SH3KBP1: variants seen among roughly 807,000 people sequenced by gnomAD.
SH3KBP1 encodes SH3 domain containing kinase binding protein 1.
SH3KBP1 carries 8 observed loss-of-function variants against 50.1 expected under a neutral mutation model. The observed-to-expected ratio is 0.16, with a 90% CI of 0.09 to 0.29. SH3KBP1 has a LOEUF of 0.29. SH3KBP1 is among the 10% of genes least tolerant of loss of function. The pLI, the probability that SH3KBP1 is intolerant of heterozygous loss-of-function variation, is 1.00. For missense variants in SH3KBP1, 377 were observed against 535.2 expected (o/e 0.70, Z 2.92); for synonymous variants, 227 against 218.6 (o/e 1.04, Z -0.34).
intron 13 of SH3KBP1, among the ~76,000 whole-genome samples, chrX:19,553,178 T>TG (rs912409382): frequency 9.0e-6 from 1 of 110,972 alleles, no homozygotes; most frequent in Admixed American, 9.5e-5. Context: ...GGGGAGGGGA[T>TG]GGGACAGCTT....
At chrX:19,603,110 C>T (rs763203029) in intron 9 of SH3KBP1, among the ~76,000 whole-genome samples, 2 of 112,185 alleles carry the variant, frequency 1.8e-5, no homozygotes, top group East Asian at 2.8e-4. Context: ...AAATGGAGGC[C>T]GAAGGCAGTG....
intron 1 of SH3KBP1, among the ~76,000 whole-genome samples, chrX:19,880,371 C>CACTT (rs777930820): frequency 8.9e-6 from 1 of 112,323 alleles, no homozygotes; most frequent in South Asian, 3.6e-4. Flanking sequence ...TAACATATGG[C>CACTT]ACTTACTGTA....
chrX:19,836,229 T>C lies in SH3KBP1; in HGVS notation c.58A>G (p.Ile20Val). Residue 20 changes from isoleucine to valine, a missense_variant, in exon 2 of 18, where the codon ATC becomes GTC. By Grantham distance (29) the Ile-to-Val change is conservative (BLOSUM62 3). This residue lies in a region of SH3KBP1 where 257 missense variants were observed against 374.2 expected (regional missense o/e 0.69). Coordinates refer to ENST00000397821, the MANE Select transcript of SH3KBP1 (RefSeq NM_031892.3). Reference sequence around the variant, plus strand: ...TTGGTGATGATTTCACCCACGCTGATCGTCAGCTCATCATCGTGCTGGGCC... The same window carrying C: ...TTGGTGATGATTTCACCCACGCTGACCGTCAGCTCATCATCGTGCTGGGCC... ...YQAQHDDELT[I>V]SVGEIITNIR... 8.3e-7 allele frequency: 1 copy of C among 1,210,878 alleles called. No homozygotes were observed. The highest frequency in any genetic ancestry group is 3.0e-5 in the East Asian group (1 of 33,836).
At chrX:19,744,320 A>C (rs1468803055) in intron 3 of SH3KBP1, among the ~76,000 whole-genome samples, 3 of 112,130 alleles carry the variant, frequency 2.7e-5, no homozygotes, top group Non-Finnish European at 5.6e-5. Flanking sequence ...GTAGCTTTTG[A>C]GCTCAGTACA....
chrX:19,552,416 G>C lies in SH3KBP1; in HGVS notation c.1385-2333C>G, dbSNP rs192884391. On this transcript the variant is annotated intron_variant, in intron 13 of 17. Coordinates refer to ENST00000397821, the MANE Select transcript of SH3KBP1 (RefSeq NM_031892.3). ...GGACAGAGGCATAACGAGGGGCAGAGGAAGGCTCGGGAAGAGGAGAGAGGA... is the reference window on the plus strand; with the variant it reads ...GGACAGAGGCATAACGAGGGGCAGACGAAGGCTCGGGAAGAGGAGAGAGGA... Among the ~76,000 whole-genome samples the C allele has an allele frequency of 2.1e-4, 23 of 110,488 alleles. No homozygotes were observed. In the Admixed American group the frequency reaches 2.1e-3, roughly 10 times the overall value.
intron 2 of SH3KBP1, among the ~76,000 whole-genome samples, chrX:19,760,041 C>CCTCTCCCTCTCCCTCTCTCTCTCT (rs1556346157): frequency 3.2e-4 from 16 of 50,451 alleles, no homozygotes; most frequent in African/African-American, 1.5e-3. Flanking sequence ...TCTCTCTCTC[C>CCTCTCCCTCTCCCTCTCTCTCTCT]CTCTCTCTCT....
rs143666089 is a variant in SH3KBP1, at chrX:19,836,226, T to C, written c.61A>G (p.Ser21Gly). Residue 21 changes from serine (S) to glycine (G), a missense_variant, in exon 2 of 18, where the codon AGC (serine) becomes GGC (glycine). This residue lies in a region of SH3KBP1 where 257 missense variants were observed against 374.2 expected (regional missense o/e 0.69). Transcript: ENST00000397821. ...ATGTTGGTGATGATTTCACCCACGC[T>C]GATCGTCAGCTCATCATCGTGCTGG... ...QAQHDDELTI[S>G]VGEIITNIRK... 6.6e-6 allele frequency: 8 copies of C among 1,208,463 alleles called. No individual in the cohort carries two copies. In the African/African-American group the frequency reaches 1.4e-4, roughly 21 times the overall value.
intron 2 of SH3KBP1, chrX:19,799,883 T>C: frequency 4.4e-6 from 4 of 899,124 alleles, no homozygotes; most frequent in East Asian, 7.7e-5. Context: ...TTTGCACTTA[T>C]TTCTGTCGCA....
chrX:19,595,890 A>G (rs751005873), intron 9 of SH3KBP1, among the ~76,000 whole-genome samples: 44 of 111,704 alleles, frequency 3.9e-4, no homozygotes, highest in African/African-American at 1.4e-3. Flanking sequence ...TGTCATTCTT[A>G]ATGTTTTTCT....
At chrX:19,720,889 G>C (rs1377086992) in intron 3 of SH3KBP1, among the ~76,000 whole-genome samples, 1 of 111,074 alleles carries the variant, frequency 9.0e-6, no homozygotes, top group African/African-American at 3.3e-5. Flanking sequence ...TGTGGGTTGT[G>C]GGGGTGGGAG....
chrX:19,542,148 C>T lies in SH3KBP1; in HGVS notation c.1669G>A (p.Ala557Thr). The T allele has an allele frequency of 1.7e-6, 2 of 1,196,380 alleles. No homozygotes were observed. The highest frequency in any genetic ancestry group is 2.3e-6 in the Non-Finnish European group (2 of 886,703). Reference protein sequence around the residue: ...ASLPPKPGTMAAGGGGPAPLS... With the variant: ...ASLPPKPGTMTAGGGGPAPLS... ...GGGGCTGGCCCACCGCCACCTGCTG[C>T]CATGGTCCCCGGCTTGGGCGGCAGG... The change falls in exon 16 of 18, where the codon GCA becomes ACA. Residue 557 changes from alanine (A) to threonine (T), a missense_variant. Coordinates refer to ENST00000397821, the MANE Select transcript of SH3KBP1 (RefSeq NM_031892.3).
At chrX:19,778,769 G>A (rs2066068385) in intron 2 of SH3KBP1, among the ~76,000 whole-genome samples, 1 of 110,618 alleles carries the variant, frequency 9.0e-6, no homozygotes, top group Non-Finnish European at 1.9e-5. Context: ...TTCCAGGAGT[G>A]ACACATTGGG....
intron 6 of SH3KBP1, among the ~76,000 whole-genome samples, chrX:19,680,767 C>T (rs965743564): frequency 1.8e-5 from 2 of 112,046 alleles, no homozygotes; most frequent in African/African-American, 6.5e-5. Flanking sequence ...ATCTATGCAA[C>T]TATCCATGGC....
chrX:19,649,620 AC>A (rs2062076114), intron 6 of SH3KBP1, among the ~76,000 whole-genome samples: 2 of 111,977 alleles, frequency 1.8e-5, no homozygotes, highest in African/African-American at 6.5e-5. Flanking sequence ...TAATAATGTA[AC>A]TACCTCTCCA....
intron 3 of SH3KBP1, among the ~76,000 whole-genome samples, chrX:19,724,131 C>G (rs940052244): frequency 9.0e-6 from 1 of 110,875 alleles, no homozygotes; most frequent in African/African-American, 3.3e-5. Flanking sequence ...CTTTCCTCCC[C>G]CTCTCAGAGG....
At position 19,534,743 on chromosome X, in the gene SH3KBP1, C is replaced by G. The variant is rs1459662113; in HGVS notation, c.*1674G>C. On this transcript the variant is annotated 3_prime_UTR_variant, in exon 18 of 18. Transcript: ENST00000397821. ...CACTCCCTTCCCTTAATTATGCCCC[C>G]ACCCAGGAAGACCAAGGTGTTTGGG... The G allele has an allele frequency of 6.8e-6, 2 of 293,374 alleles. No individual in the cohort carries two copies. The highest frequency in any genetic ancestry group is 1.2e-5 in the Non-Finnish European group (2 of 168,978). The allele number at this position is 293,374 out of a possible 1,213,427, so 24.2% of individuals were successfully genotyped here.
chrX:19,816,101 A>T (rs1206868561), intron 2 of SH3KBP1, among the ~76,000 whole-genome samples: 1 of 112,194 alleles, frequency 8.9e-6, no homozygotes, highest in African/African-American at 3.2e-5. Context: ...TGACTGAACC[A>T]CTTTTCATTC....
At chrX:19,540,741 C>T (rs1177084583) in intron 16 of SH3KBP1, among the ~76,000 whole-genome samples, 2 of 111,588 alleles carry the variant, frequency 1.8e-5, no homozygotes, top group East Asian at 5.6e-4. Flanking sequence ...CCCGTGTGGC[C>T]AGGAATCAAC....
chrX:19,745,666 A>G (rs942529330), intron 3 of SH3KBP1, among the ~76,000 whole-genome samples: 3 of 112,070 alleles, frequency 2.7e-5, no homozygotes, highest in African/African-American at 9.7e-5. Context: ...GTGTGCTCAC[A>G]GTATAAAATT....
Sources: gnomAD v4.1 joint callset for allele counts (sites outside exome capture counted in the v4.1 genomes callset) on GRCh38, gnomAD v4.1.1 for gene constraint, gnomAD v4.1.1 regional missense constraint, MANE v1.5 for transcripts, NCBI Gene and HGNC (gene_info 2026-07-23, HGNC 2026-07-21) for gene names.